The following SGIP1 variants were observed in gnomAD, a reference collection of about 807,000 sequenced individuals.
SGIP1 encodes SH3GL interacting endocytic adaptor 1, also known as SH3-containing GRB2-like protein 3-interacting protein 1.
In SGIP1, 38 loss-of-function variants were observed where a neutral mutation model predicts 107.5. The ratio of observed to expected loss-of-function variants is 0.35; its 90% CI spans 0.27 to 0.46. SGIP1 has a LOEUF of 0.46. Among genes scored for constraint, SGIP1 ranks in the 20% least tolerant of loss-of-function variants. The pLI, the probability that SGIP1 is intolerant of heterozygous loss-of-function variation, is 1.00. For synonymous variants in SGIP1, 365 were observed against 366.1 expected (o/e 1.00, Z 0.03); for missense variants, 929 against 1,019.5 (o/e 0.91, Z 1.21).
At chr1:66,577,933 C>G (rs1466045263) in intron 1 of SGIP1, among the ~76,000 whole-genome samples, 2 of 152,008 alleles carry the variant, frequency 1.3e-5, no homozygotes, top group Non-Finnish European at 2.9e-5. Flanking sequence ...GATTCAAGAC[C>G]AGATGTTTAA....
At chr1:66,736,854 T>C (rs1387220463) in intron 21 of SGIP1, among the ~76,000 whole-genome samples, 1 of 152,030 alleles carries the variant, frequency 6.6e-6, no homozygotes, top group East Asian at 1.9e-4. Flanking sequence ...TAAATTGTTG[T>C]AAGAAAACCA....
rs189747388 is a variant in SGIP1, at chr1:66,602,578, C to T, written c.11-23269C>T. On this transcript the variant is annotated intron_variant, in intron 1 of 24. Transcript: ENST00000371037. Reference sequence around the variant, plus strand: ...ATGGTTGCAGCACACCAACATGGCACATGTATACATATGTAACAAACCTGC... The same window carrying T: ...ATGGTTGCAGCACACCAACATGGCATATGTATACATATGTAACAAACCTGC... Among the ~76,000 whole-genome samples, 838 of 152,146 alleles carry T rather than the reference C, an allele frequency of 5.5e-3. 7 individuals carry two copies. The highest frequency in any genetic ancestry group is 0.019 in the African/African-American group (784 of 41,482).
At chr1:66,663,933 C>T (rs2082021998) in intron 8 of SGIP1, among the ~76,000 whole-genome samples, 1 of 152,130 alleles carries the variant, frequency 6.6e-6, no homozygotes, top group Non-Finnish European at 1.5e-5. Flanking sequence ...ATTACTTTTG[C>T]ACCTACTTTA....
chr1:66,592,999 C>T (rs916729376), intron 1 of SGIP1, among the ~76,000 whole-genome samples: 6 of 148,568 alleles, frequency 4.0e-5, no homozygotes, highest in African/African-American at 1.5e-4. Flanking sequence ...CCACCTTTGC[C>T]TCCCAAAGTG....
intron 4 of SGIP1, among the ~76,000 whole-genome samples, chr1:66,639,388 G>A (rs183202101): frequency 1.2e-4 from 18 of 152,276 alleles, no homozygotes; most frequent in Admixed American, 2.0e-4. Context: ...GTATATAATA[G>A]CAGCATGGAG....
At chr1:66,679,557 T>C in intron 13 of SGIP1, 121 bp from the exon 14 acceptor site, 1 of 1,005,088 alleles carries the variant, frequency 9.9e-7, no homozygotes, top group South Asian at 1.5e-5. Flanking sequence ...AGACCATTAA[T>C]TGCTATTCCA....
In SGIP1 at chr1:66,631,103, A is replaced by AAAG. The variant is rs1558137714; in HGVS notation, c.75-1965_75-1964insGAA. The stretch of plus-strand genomic sequence containing the variant: ...AGAAAGAAAGAAAGAAAGAAAGAAA[A>AAAG]AAAGAAAGACTGACTCAGTATATAG... On this transcript the variant is annotated intron_variant, in intron 2 of 24. Coordinates refer to ENST00000371037, the MANE Select transcript of SGIP1 (RefSeq NM_032291.4). 4.8e-3 allele frequency among the ~76,000 whole-genome samples: 638 copies of AAAG among 132,566 alleles called. 5 individuals carry two copies. Among genetic ancestry groups the AAAG allele is most frequent in the Non-Finnish European group, 6.3e-3 (375 of 59,994 alleles). 87.0% of individuals were successfully genotyped at this position (132,566 alleles called of 152,430 possible). A position where few individuals can be genotyped will look rare whatever the true frequency, so the allele number is the denominator to read the frequency against.
intron 20 of SGIP1, 40 bp downstream of exon 20, chr1:66,729,459 G>A: frequency 6.2e-7 from 1 of 1,612,002 alleles, no homozygotes; most frequent in Non-Finnish European, 8.5e-7. Context: ...AGATACATGT[G>A]GCTTAGTACT....
At chr1:66,650,710 C>T (rs947273581) in intron 7 of SGIP1, among the ~76,000 whole-genome samples, 2 of 152,104 alleles carry the variant, frequency 1.3e-5, no homozygotes, top group African/African-American at 4.8e-5. Context: ...ACCTGTGGCT[C>T]CCATGGCTTT....
At chr1:66,585,359 C>CTATT (rs1441378226) in intron 1 of SGIP1, among the ~76,000 whole-genome samples, 1 of 152,126 alleles carries the variant, frequency 6.6e-6, no homozygotes, top group Non-Finnish European at 1.5e-5. Context: ...AGTTTAATGT[C>CTATT]TATTAGGCCT....
intron 1 of SGIP1, among the ~76,000 whole-genome samples, chr1:66,576,147 A>T (rs987486523): frequency 6.6e-6 from 1 of 152,182 alleles, no homozygotes; most frequent in East Asian, 1.9e-4. Context: ...AAAGATAAAT[A>T]TTGTTTTAAA....
At chr1:66,601,032 G>C (rs1364272584) in intron 1 of SGIP1, among the ~76,000 whole-genome samples, 1 of 152,164 alleles carries the variant, frequency 6.6e-6, no homozygotes, top group Non-Finnish European at 1.5e-5. Flanking sequence ...ACAGATTGTA[G>C]TGCTTCGCTT....
intron 1 of SGIP1, among the ~76,000 whole-genome samples, chr1:66,596,856 C>T (rs1166464502): frequency 6.6e-6 from 1 of 151,992 alleles, no homozygotes; most frequent in Non-Finnish European, 1.5e-5. Context: ...ATTGCAATTG[C>T]ATCTATTTCA....
intron 12 of SGIP1, among the ~76,000 whole-genome samples, chr1:66,675,547 T>TTC (rs2085080481): frequency 7.4e-6 from 1 of 134,492 alleles, no homozygotes; most frequent in African/African-American, 2.9e-5. Flanking sequence ...CTTTCTTTTT[T>TTC]TTTTTTTTTT....
At chr1:66,568,377 G>T (rs1403012274) in intron 1 of SGIP1, among the ~76,000 whole-genome samples, 2 of 130,306 alleles carry the variant, frequency 1.5e-5, no homozygotes, top group African/African-American at 3.0e-5. Flanking sequence ...TTGCTTACCA[G>T]CTTAAGGAGT....
chr1:66,561,877 G>A (rs1226157019), intron 1 of SGIP1, among the ~76,000 whole-genome samples: 1 of 151,994 alleles, frequency 6.6e-6, no homozygotes, highest in Non-Finnish European at 1.5e-5. Flanking sequence ...TACATTCAGC[G>A]TTATAGAAAA....
rs1441303681 is a variant in SGIP1 at position 66,750,880 on chromosome 1, A to T, written c.*7785A>T. ...ATAATCATGAGACCATCTTAACATT[A>T]CTTGCCTTATAAGTTAGAAATAGTA... On this transcript the variant is annotated 3_prime_UTR_variant, in exon 25 of 25. Coordinates refer to ENST00000371037, the MANE Select transcript of SGIP1 (RefSeq NM_032291.4). Among the ~76,000 whole-genome samples, 2 of 152,226 alleles carry T rather than the reference A, an allele frequency of 1.3e-5. No homozygotes were observed. Among genetic ancestry groups the T allele is most frequent in the Non-Finnish European group, 2.9e-5 (2 of 68,036 alleles).
At chr1:66,550,655 C>T (rs552441540) in intron 1 of SGIP1, among the ~76,000 whole-genome samples, 1 of 152,192 alleles carries the variant, frequency 6.6e-6, no homozygotes, top group East Asian at 1.9e-4. Context: ...TGAGCTCCTG[C>T]GACATGCCGG....
chr1:66,577,150 T>C (rs894726014), intron 1 of SGIP1, among the ~76,000 whole-genome samples: 3 of 152,200 alleles, frequency 2.0e-5, no homozygotes, highest in Admixed American at 6.5e-5. Context: ...ACCATCCTTC[T>C]CTTATCTCTG....
Sources: allele counts gnomAD v4.1 joint callset (sites outside exome capture counted in the v4.1 genomes callset), GRCh38; gene constraint gnomAD v4.1.1; transcripts MANE v1.5; gene names NCBI Gene and HGNC (gene_info 2026-07-23, HGNC 2026-07-21).